The following SLC30A9 variants were observed in gnomAD, a reference collection of about 807,000 sequenced individuals.
SLC30A9 encodes the protein solute carrier family 30 member 9, also known as proton-coupled zinc antiporter SLC30A9, mitochondrial.
Under a neutral mutation model 87.5 loss-of-function variants are expected in SLC30A9, and 58 were observed. The observed-to-expected ratio is 0.66, with a 90% CI of 0.54 to 0.82. The LOEUF is 0.82. SLC30A9 is among the 40% of genes least tolerant of loss of function. The pLI is 0.00. For synonymous variants in SLC30A9, 234 were observed against 233.0 expected (o/e 1.00, Z -0.04); for missense variants, 557 against 679.1 (o/e 0.82, Z 2.00).
Position 42,070,417 on chromosome 4 carries a change from A to G in SLC30A9, c.1253-109A>G, listed in dbSNP as rs1306473822. ...AAGGAAGTAATTAAAGAAATTAGGA[A>G]TAAATTTCAAGTGCCTTGATTTACT... On this transcript the variant is annotated intron_variant, in intron 14 of 17. Transcript: ENST00000264451. 15 of 772,418 alleles carry G rather than the reference A, an allele frequency of 1.9e-5. No homozygotes were observed. In the South Asian group the frequency reaches 3.2e-4, roughly 16 times the overall value. The allele number at this position is 772,418 out of a possible 1,614,324, so 47.8% of individuals were successfully genotyped here.
intron 6 of SLC30A9, 65 bp from the exon 7 acceptor site, chr4:42,035,210 A>G (rs1292775769): frequency 1.3e-5 from 19 of 1,465,144 alleles, no homozygotes; most frequent in Admixed American, 1.8e-5. Context: ...AGAGAATATC[A>G]TGTTCATCTA....
At chr4:42,064,683 T>C (rs1335646363) in intron 11 of SLC30A9, among the ~76,000 whole-genome samples, 1 of 152,186 alleles carries the variant, frequency 6.6e-6, no homozygotes, top group Non-Finnish European at 1.5e-5. Flanking sequence ...AATTTTCAGT[T>C]GTGTATAAGT....
intron 6 of SLC30A9, among the ~76,000 whole-genome samples, chr4:42,032,422 G>GC (rs1249291562): frequency 1.3e-5 from 2 of 152,184 alleles, no homozygotes; most frequent in Non-Finnish European, 1.5e-5. Flanking sequence ...GTAACTAGAA[G>GC]CCTTGGAGTA....
At chr4:41,990,869 A>G in intron 1 of SLC30A9, 109 bp downstream of exon 1, 1 of 768,880 alleles carries the variant, frequency 1.3e-6, no homozygotes, top group South Asian at 1.5e-5. Flanking sequence ...CGCCAACCTC[A>G]GAACCTTCCT....
intron 8 of SLC30A9, among the ~76,000 whole-genome samples, chr4:42,047,848 C>A (rs1053550951): frequency 2.6e-5 from 4 of 152,082 alleles, no homozygotes; most frequent in African/African-American, 7.2e-5. Flanking sequence ...CAATGATAGA[C>A]TGGATAAAGA....
chr4:42,004,561 C>T (rs952838023), intron 2 of SLC30A9, among the ~76,000 whole-genome samples: 1 of 151,942 alleles, frequency 6.6e-6, no homozygotes, highest in Non-Finnish European at 1.5e-5. Flanking sequence ...TCAGGTCTAC[C>T]AGGATCACTA....
At chr4:42,019,682 A>G (rs184989076) in intron 3 of SLC30A9, among the ~76,000 whole-genome samples, 1 of 152,326 alleles carries the variant, frequency 6.6e-6, no homozygotes, top group Admixed American at 6.5e-5. Flanking sequence ...TTTCACAAAA[A>G]AATAATTATA....
intron 1 of SLC30A9, among the ~76,000 whole-genome samples, chr4:41,997,573 T>TC (rs147580987): frequency 0.048 from 7,321 of 152,278 alleles, 247 homozygotes; most frequent in African/African-American, 0.077. Flanking sequence ...CCGCTTTTTT[T>TC]ATGCAACATT....
At chr4:42,081,180 A>G (rs1296160781) in intron 17 of SLC30A9, among the ~76,000 whole-genome samples, 1 of 152,236 alleles carries the variant, frequency 6.6e-6, no homozygotes, top group Non-Finnish European at 1.5e-5. Flanking sequence ...AACTTAAGCA[A>G]TCAAAGAAGT....
chr4:42,022,274 C>G (rs905618096), intron 4 of SLC30A9, among the ~76,000 whole-genome samples: 3 of 146,992 alleles, frequency 2.0e-5, no homozygotes, highest in Non-Finnish European at 4.5e-5. Flanking sequence ...ATCTCCTAGG[C>G]CGAAGTACAG....
Position 42,087,683 on chromosome 4 carries a change from A to G in SLC30A9, c.*1557A>G, listed in dbSNP as rs1718969693. ...TCCAGTTTTATTTTTAAGATAGAAA[A>G]TTGTTATATATATATATAATTTGAT... On this transcript the variant is annotated 3_prime_UTR_variant, in exon 18 of 18. Transcript: ENST00000264451. The G allele has an allele frequency of 6.6e-6, 1 of 150,386 alleles. No homozygotes were observed. The highest frequency in any genetic ancestry group is 2.4e-5 in the African/African-American group (1 of 40,822). 9.3% of individuals were successfully genotyped at this position (150,386 alleles called of 1,614,324 possible).
At position 42,074,065 on chromosome 4, in the gene SLC30A9, A is replaced by AAATAAATGAAAT. The variant is rs1718425912; in HGVS notation, c.1419-1591_1419-1590insATAAATGAAATA. ...GACTAAAGTAGAAATGATTTTTGAA[A>AAATAAATGAAAT]ATGAATAAATATGTTCTGTGAGTTA... On this transcript the variant is annotated intron_variant, in intron 15 of 17. Coordinates refer to ENST00000264451, the MANE Select transcript of SLC30A9 (RefSeq NM_006345.4). 3.3e-5 allele frequency among the ~76,000 whole-genome samples: 5 copies of AAATAAATGAAAT among 152,276 alleles called. 1 individual carries two copies. The highest frequency in any genetic ancestry group is 4.4e-5 in the Non-Finnish European group (3 of 68,048).
At chr4:42,067,630 G>A (rs1180551453) in intron 14 of SLC30A9, among the ~76,000 whole-genome samples, 1 of 152,146 alleles carries the variant, frequency 6.6e-6, no homozygotes, top group African/African-American at 2.4e-5. Flanking sequence ...ACTTGATTTT[G>A]TTATAACATT....
chr4:42,066,134 A>G (rs1424557991), intron 12 of SLC30A9, among the ~76,000 whole-genome samples: 1 of 152,194 alleles, frequency 6.6e-6, no homozygotes, highest in African/African-American at 2.4e-5. Context: ...CTTTCTATGT[A>G]TAATGTTCCC....
intron 6 of SLC30A9, among the ~76,000 whole-genome samples, chr4:42,033,792 G>C (rs552415664): frequency 1.3e-5 from 2 of 152,254 alleles, no homozygotes; most frequent in Non-Finnish European, 2.9e-5. Flanking sequence ...AGCCAGGATG[G>C]TCTCGATGAT....
At chr4:42,016,015 C>T (rs1270806481) in intron 2 of SLC30A9, among the ~76,000 whole-genome samples, 1 of 152,050 alleles carries the variant, frequency 6.6e-6, no homozygotes, top group Admixed American at 6.6e-5. Flanking sequence ...ATTTACAAAA[C>T]CTTTCTATGC....
chr4:42,034,317 T>C (rs1716586469), intron 6 of SLC30A9, among the ~76,000 whole-genome samples: 1 of 152,176 alleles, frequency 6.6e-6, no homozygotes, highest in Non-Finnish European at 1.5e-5. Context: ...TTTTTAAAGG[T>C]ACAGTTCATA....
At position 42,088,161 on chromosome 4, in the gene SLC30A9, A is replaced by G. The variant is rs1173264344; in HGVS notation, c.*2035A>G. 1.3e-5 allele frequency: 2 copies of G among 152,202 alleles called. No individual in the cohort carries two copies. Among genetic ancestry groups the G allele is most frequent in the African/African-American group, 4.8e-5 (2 of 41,450 alleles). The allele number at this position is 152,202 out of a possible 1,614,324, so 9.4% of individuals were successfully genotyped here. On this transcript the variant is annotated 3_prime_UTR_variant, in exon 18 of 18. Transcript: ENST00000264451. ...AAACTTACATAAAGTTTGTTTATGT[A>G]AAATAAGACATAAAGGAGTACAACA...
intron 12 of SLC30A9, 58 bp downstream of exon 12, chr4:42,065,407 T>G: frequency 9.9e-6 from 9 of 907,618 alleles, no homozygotes; most frequent in Non-Finnish European, 1.6e-5. Flanking sequence ...TATTCAGCTG[T>G]CCATTATTAT....
Sources: gnomAD v4.1 joint callset for allele counts (sites outside exome capture counted in the v4.1 genomes callset) on GRCh38, gnomAD v4.1.1 for gene constraint, MANE v1.5 for transcripts, NCBI Gene and HGNC (gene_info 2026-07-23, HGNC 2026-07-21) for gene names.